Variants in MTHFD2L observed in about 807,000 individuals in gnomAD.
The protein encoded by MTHFD2L is bifunctional methylenetetrahydrofolate dehydrogenase/cyclohydrolase 2, mitochondrial.
A neutral mutation model predicts 34.9 loss-of-function variants in MTHFD2L; 29 were observed. That is an observed-to-expected ratio of 0.83 (90% CI 0.62 to 1.13). The LOEUF is 1.13. Ranked by LOEUF, MTHFD2L falls within the 50% of genes most tolerant of loss-of-function variation. The pLI, the probability that MTHFD2L is intolerant of heterozygous loss-of-function variation, is 0.00. For synonymous variants in MTHFD2L, 167 were observed against 155.7 expected (o/e 1.07, Z -0.54); for missense variants, 481 against 446.5 (o/e 1.08, Z -0.70).
upstream of MTHFD2L, chr4:74,156,951 G>T (rs748806987): frequency 1.2e-4 from 18 of 152,042 alleles, no homozygotes; most frequent in Admixed American, 9.2e-4. Flanking sequence ...TATTTTGGGT[G>T]TAAGTCTTGT....
chr4:74,123,709 T>C (rs376627444), upstream of MTHFD2L, among the ~76,000 whole-genome samples: 13 of 152,220 alleles, frequency 8.5e-5, 1 homozygote, highest in East Asian at 2.3e-3. Context: ...GGGATTTTTA[T>C]GGGCCCTAAA....
intron 3 of MTHFD2L, among the ~76,000 whole-genome samples, chr4:74,190,154 G>A (rs1732207588): frequency 6.6e-6 from 1 of 152,058 alleles, no homozygotes. Flanking sequence ...AAGCTTATTA[G>A]AATTGGCCTG....
intron 6 of MTHFD2L, among the ~76,000 whole-genome samples, chr4:74,237,520 A>T (rs1018295175): frequency 6.6e-6 from 1 of 152,132 alleles, no homozygotes; most frequent in African/African-American, 2.4e-5. Flanking sequence ...GTGGTGGTGC[A>T]CACCTGTAAT....
chr4:74,267,248 T>C (rs1001106082), intron 6 of MTHFD2L: 5 of 984,838 alleles, frequency 5.1e-6, no homozygotes, highest in Non-Finnish European at 2.4e-6. Flanking sequence ...AGTGCATTGG[T>C]GTCTGTTTGC....
intron 6 of MTHFD2L, among the ~76,000 whole-genome samples, chr4:74,244,915 C>T (rs866331212): frequency 1.3e-5 from 2 of 152,064 alleles, no homozygotes; most frequent in African/African-American, 2.4e-5. Context: ...TAGTTGTTGG[C>T]CGGGTGCAGT....
At chr4:74,213,063 A>G (rs1736615924) in intron 5 of MTHFD2L, among the ~76,000 whole-genome samples, 2 of 150,014 alleles carry the variant, frequency 1.3e-5, no homozygotes, top group Non-Finnish European at 3.0e-5. Context: ...ATATTCCTCC[A>G]TCCTTTTATT....
upstream of MTHFD2L, among the ~76,000 whole-genome samples, chr4:74,120,586 T>C (rs1264067856): frequency 2.0e-5 from 3 of 152,356 alleles, no homozygotes; most frequent in East Asian, 3.9e-4. Context: ...CTCTTCACAC[T>C]GTGTCATCCG....
intron 1 of MTHFD2L, among the ~76,000 whole-genome samples, chr4:74,138,804 C>G (rs907229881): frequency 3.9e-5 from 6 of 152,144 alleles, no homozygotes; most frequent in Non-Finnish European, 5.9e-5. Context: ...TGGGAGGGGA[C>G]CCAAAGCGGG....
At chr4:74,295,387 T>C (rs1204294156) in intron 7 of MTHFD2L, among the ~76,000 whole-genome samples, 1 of 152,180 alleles carries the variant, frequency 6.6e-6, no homozygotes, top group Non-Finnish European at 1.5e-5. Flanking sequence ...TTCTGCAGCT[T>C]TACAAATCTT....
At position 74,215,133 on chromosome 4, in the gene MTHFD2L, C is replaced by T. The variant is rs7669289; in HGVS notation, c.713-10169C>T. Among the ~76,000 whole-genome samples, 70 of 151,826 alleles carry T rather than the reference C, an allele frequency of 4.6e-4. 2 individuals are homozygous for T. Among genetic ancestry groups the T allele is most frequent in the African/African-American group, 1.6e-3 (66 of 41,090 alleles). The stretch of plus-strand genomic sequence containing the variant: ...TTTCAAGCTAGTGGGTCTTAGCTTG[C>T]TGGGCTCTGTAGGGTGGGATCCGCT... On this transcript the variant is annotated intron_variant, in intron 5 of 7. Coordinates refer to ENST00000325278, the MANE Select transcript of MTHFD2L (RefSeq NM_001144978.3).
chr4:74,261,837 T>C (rs1337813392), intron 6 of MTHFD2L, among the ~76,000 whole-genome samples: 2 of 152,062 alleles, frequency 1.3e-5, no homozygotes, highest in African/African-American at 2.4e-5. Flanking sequence ...ACTCAAGCTC[T>C]CTGTTCCTCA....
At chr4:74,238,773 C>G (rs549040176) in intron 6 of MTHFD2L, among the ~76,000 whole-genome samples, 1 of 152,150 alleles carries the variant, frequency 6.6e-6, no homozygotes, top group Admixed American at 6.5e-5. Flanking sequence ...AAGTGCAAAT[C>G]AAAACCACAA....
intron 6 of MTHFD2L, among the ~76,000 whole-genome samples, chr4:74,244,471 A>G (rs1742137789): frequency 6.6e-6 from 1 of 151,968 alleles, no homozygotes; most frequent in Non-Finnish European, 1.5e-5. Flanking sequence ...ATTTCAAGCA[A>G]AAGCAGTATC....
intron 1 of MTHFD2L, chr4:74,140,467 G>GT (rs1373879672): frequency 9.5e-6 from 6 of 630,892 alleles, no homozygotes; most frequent in African/African-American, 4.0e-5. Context: ...AAATACTCCT[G>GT]TTTTTTTAGT....
intron 1 of MTHFD2L, among the ~76,000 whole-genome samples, chr4:74,128,578 G>A (rs894437722): frequency 2.0e-5 from 3 of 151,994 alleles, no homozygotes; most frequent in Non-Finnish European, 4.4e-5. Context: ...TAGTGTACAT[G>A]TCTGTTTTTC....
At chr4:74,165,896 C>T (rs1181562611) in intron 1 of MTHFD2L, among the ~76,000 whole-genome samples, 1 of 152,054 alleles carries the variant, frequency 6.6e-6, no homozygotes, top group African/African-American at 2.4e-5. Context: ...AAGTACTTTT[C>T]TTTGACAAAT....
intron 6 of MTHFD2L, among the ~76,000 whole-genome samples, chr4:74,228,139 A>G (rs1367495330): frequency 1.3e-5 from 2 of 152,196 alleles, no homozygotes; most frequent in African/African-American, 4.8e-5. Flanking sequence ...GTGATATCAA[A>G]TGCAAATTTT....
Position 74,281,511 on chromosome 4 carries a change from A to C in MTHFD2L, c.892A>C (p.Thr298Pro), listed in dbSNP as rs201760726. The C allele has an allele frequency of 1.1e-4, 175 of 1,612,558 alleles. No individual in the cohort carries two copies. The highest frequency in any genetic ancestry group is 6.0e-4 in the Admixed American group (36 of 59,822). ...TATCAACTATGTCCACGATCCAGTG[A>C]CAGGAAAGACAAAATTAGTTGGAGA... is the stretch of plus-strand genomic sequence containing the variant. ...VGINYVHDPV[T>P]GKTKLVGDVD... Residue 298 changes from threonine (T) to proline (P), a missense_variant, in exon 7 of 8, where the codon ACA (threonine) becomes CCA (proline). By Grantham distance (38) the Thr-to-Pro change is conservative. Coordinates refer to ENST00000325278, the MANE Select transcript of MTHFD2L (RefSeq NM_001144978.3).
intron 3 of MTHFD2L, among the ~76,000 whole-genome samples, chr4:74,181,966 A>G (rs1184719678): frequency 1.3e-5 from 2 of 152,188 alleles, no homozygotes; most frequent in East Asian, 1.9e-4. Context: ...ACTTTTCATG[A>G]GAAATTATCA....
Sources: gnomAD v4.1 joint callset for allele counts (sites outside exome capture counted in the v4.1 genomes callset) on GRCh38, gnomAD v4.1.1 for gene constraint, MANE v1.5 for transcripts, NCBI Gene and HGNC (gene_info 2026-07-23, HGNC 2026-07-21) for gene names.